The following SMOC2 variants were observed in gnomAD, a reference collection of about 807,000 sequenced individuals.
The protein encoded by SMOC2 is SPARC-related modular calcium-binding protein 2.
A neutral mutation model predicts 61.4 loss-of-function variants in SMOC2; 39 were observed. That is an observed-to-expected ratio of 0.64 (90% CI 0.49 to 0.83). The LOEUF is 0.83. Ranked by LOEUF, SMOC2 falls within the 40% of genes least tolerant of loss-of-function variation. The pLI, the probability that SMOC2 is intolerant of heterozygous loss-of-function variation, is 0.00. For synonymous variants in SMOC2, 247 were observed against 239.9 expected (o/e 1.03, Z -0.27); for missense variants, 556 against 592.9 (o/e 0.94, Z 0.65).
chr6:168,574,500 C>T (rs1438539355), intron 7 of SMOC2, among the ~76,000 whole-genome samples: 2 of 152,218 alleles, frequency 1.3e-5, no homozygotes, highest in African/African-American at 2.4e-5. Flanking sequence ...GGAGAATATT[C>T]TGAAACAAGT....
intron 7 of SMOC2, among the ~76,000 whole-genome samples, chr6:168,581,991 G>C (rs1784931355): frequency 6.6e-6 from 1 of 152,160 alleles, no homozygotes; most frequent in South Asian, 2.1e-4. Context: ...ATCAGCATTA[G>C]CTTGTCTGCT....
chr6:168,491,517 G>T (rs1168798339), intron 1 of SMOC2, among the ~76,000 whole-genome samples: 1 of 152,098 alleles, frequency 6.6e-6, no homozygotes. Context: ...AAGTATTTGG[G>T]ATCAATTCAG....
In SMOC2 at chr6:168,441,407, G is replaced by T; in HGVS notation, c.37G>T (p.Ala13Ser). 3 of 1,509,058 alleles carry T rather than the reference G, an allele frequency of 2.0e-6. No homozygotes were observed. Among genetic ancestry groups the T allele is most frequent in the Non-Finnish European group, 1.8e-6 (2 of 1,133,542 alleles). 93.5% of individuals were successfully genotyped at this position (1,509,058 alleles called of 1,614,324 possible). A position where few individuals can be genotyped will look rare whatever the true frequency, so the allele number is the denominator to read the frequency against. The change falls in exon 1 of 13, where the codon GCT (alanine) becomes TCT (serine). Residue 13 changes from alanine to serine, a missense_variant. Coordinates refer to ENST00000356284, the MANE Select transcript of SMOC2 (RefSeq NM_001166412.2). ...LPQLCWLPLL[A>S]GLLPPVPAQK... is the part of the protein sequence containing the mutation. ...CCAGCTCTGCTGGCTGCCGCTGCTC[G>T]CTGGGCTGCTCCCGCCGGTGCCCGC... is the stretch of plus-strand genomic sequence containing the variant.
At chr6:168,545,603 C>T (rs941358389) in intron 5 of SMOC2, among the ~76,000 whole-genome samples, 5 of 152,282 alleles carry the variant, frequency 3.3e-5, no homozygotes, top group African/African-American at 7.2e-5. Flanking sequence ...GGAAGGAGAG[C>T]GGCCTCTGGT....
At chr6:168,579,157 G>A (rs1784870988) in intron 7 of SMOC2, among the ~76,000 whole-genome samples, 1 of 152,226 alleles carries the variant, frequency 6.6e-6, no homozygotes, top group Admixed American at 6.5e-5. Context: ...AGGTCACACT[G>A]TGTCCTGTTC....
chr6:168,574,385 C>T (rs1223537956), intron 7 of SMOC2, among the ~76,000 whole-genome samples: 1 of 152,238 alleles, frequency 6.6e-6, no homozygotes, highest in African/African-American at 2.4e-5. Flanking sequence ...TAGGAACGAG[C>T]TTGGAGAACA....
chr6:168,663,449 G>A (rs934966226), intron 11 of SMOC2, among the ~76,000 whole-genome samples: 2 of 152,180 alleles, frequency 1.3e-5, no homozygotes, highest in African/African-American at 4.8e-5. Flanking sequence ...CTTCACTTCC[G>A]GCACCCCAGG....
intron 1 of SMOC2, among the ~76,000 whole-genome samples, chr6:168,506,771 T>C (rs1160744053): frequency 1.3e-5 from 2 of 152,242 alleles, no homozygotes; most frequent in African/African-American, 4.8e-5. Context: ...AGTCACTCGA[T>C]GTCCAGTTCA....
intron 1 of SMOC2, among the ~76,000 whole-genome samples, chr6:168,466,810 C>A (rs989016608): frequency 2.6e-5 from 4 of 152,198 alleles, no homozygotes; most frequent in African/African-American, 9.6e-5. Flanking sequence ...TCATCCTGGA[C>A]GCTTGGTTTC....
At chr6:168,497,721 G>A (rs1048820946) in intron 1 of SMOC2, among the ~76,000 whole-genome samples, 12 of 152,248 alleles carry the variant, frequency 7.9e-5, no homozygotes, top group South Asian at 2.1e-4. Context: ...CTCGGTTTTC[G>A]GGTTATTCAA....
At chr6:168,550,969 T>A (rs2115109056) in intron 7 of SMOC2, among the ~76,000 whole-genome samples, 1 of 152,376 alleles carries the variant, frequency 6.6e-6, no homozygotes, top group African/African-American at 2.4e-5. Flanking sequence ...TTGGGCGTTG[T>A]GTCCCCACCC....
intron 4 of SMOC2, among the ~76,000 whole-genome samples, chr6:168,540,351 C>T (rs1430006598): frequency 4.6e-5 from 7 of 152,210 alleles, no homozygotes. Context: ...GGACCTCTCC[C>T]CAGCTGCGTG....
intron 7 of SMOC2, among the ~76,000 whole-genome samples, chr6:168,577,083 A>T (rs1206914210): frequency 3.3e-5 from 5 of 152,190 alleles, no homozygotes; most frequent in Admixed American, 6.6e-5. Flanking sequence ...AAACATCTTA[A>T]AACCAAAGTT....
intron 7 of SMOC2, among the ~76,000 whole-genome samples, chr6:168,586,930 A>T (rs1014231836): frequency 1.2e-4 from 18 of 152,226 alleles, no homozygotes; most frequent in African/African-American, 4.1e-4. Context: ...GTCTTTTGTC[A>T]TTAAATATGA....
At chr6:168,613,770 A>AGG (rs371232126) in intron 9 of SMOC2, among the ~76,000 whole-genome samples, 5 of 46,002 alleles carry the variant, frequency 1.1e-4, no homozygotes, top group Admixed American at 3.9e-4. Flanking sequence ...CAGCCAGCAC[A>AGG]GGGCCTCTTC....
chr6:168,534,145 G>C (rs78469146), intron 4 of SMOC2, among the ~76,000 whole-genome samples: 16,424 of 151,906 alleles, frequency 0.11, 957 homozygotes, highest in Middle Eastern at 0.18. Flanking sequence ...TTTTTTCAGA[G>C]AAAAATGTTA....
chr6:168,533,303 G>A (rs1783656398), intron 4 of SMOC2, among the ~76,000 whole-genome samples: 1 of 152,110 alleles, frequency 6.6e-6, no homozygotes, highest in South Asian at 2.1e-4. Flanking sequence ...CTCAGTACAT[G>A]ATATACATTT....
chr6:168,583,912 G>A (rs577201169), intron 7 of SMOC2, among the ~76,000 whole-genome samples: 4 of 152,144 alleles, frequency 2.6e-5, no homozygotes, highest in East Asian at 1.9e-4. Flanking sequence ...CCTTGCAGCC[G>A]CTCCGTCAGG....
At chr6:168,599,213 C>G (rs1387467260) in intron 8 of SMOC2, among the ~76,000 whole-genome samples, 1 of 146,958 alleles carries the variant, frequency 6.8e-6, no homozygotes, top group African/African-American at 2.5e-5. Context: ...CACACTCATA[C>G]CCACACACAC....
Sources: allele counts gnomAD v4.1 joint callset (sites outside exome capture counted in the v4.1 genomes callset), GRCh38; gene constraint gnomAD v4.1.1; transcripts MANE v1.5; gene names NCBI Gene and HGNC (gene_info 2026-07-23, HGNC 2026-07-21).